The following EXOC4 variants were observed in gnomAD, a reference collection of about 807,000 sequenced individuals.
The protein encoded by EXOC4 is exocyst complex component 4.
In EXOC4, 71 loss-of-function variants were observed where a neutral mutation model predicts 107.2. The ratio of observed to expected loss-of-function variants is 0.66; its 90% CI spans 0.55 to 0.81. EXOC4 has a LOEUF of 0.81. EXOC4 is among the 30% of genes least tolerant of loss of function. EXOC4 has a pLI of 0.00. For synonymous variants in EXOC4, 456 were observed against 441.2 expected (o/e 1.03, Z -0.42); for missense variants, 1,108 against 1,189.6 (o/e 0.93, Z 1.01).
intron 5 of EXOC4, among the ~76,000 whole-genome samples, chr7:133,344,642 C>T (rs1017601563): frequency 1.3e-5 from 2 of 152,024 alleles, no homozygotes; most frequent in East Asian, 1.9e-4. Context: ...TTTTTATTTC[C>T]CAGAAGCTAC....
At chr7:133,280,806 AT>A (rs971095366) in intron 2 of EXOC4, among the ~76,000 whole-genome samples, 4 of 152,350 alleles carry the variant, frequency 2.6e-5, no homozygotes, top group East Asian at 3.9e-4. Flanking sequence ...ATATAAAAAA[AT>A]GTCCTAGTAG....
chr7:133,488,143 A>T (rs529869566), intron 9 of EXOC4, among the ~76,000 whole-genome samples: 2 of 152,222 alleles, frequency 1.3e-5, no homozygotes, highest in Non-Finnish European at 2.9e-5. Flanking sequence ...GAATACTAAT[A>T]GTATCAATAG....
intron 15 of EXOC4, among the ~76,000 whole-genome samples, chr7:133,999,310 C>A (rs1354668004): frequency 6.6e-6 from 1 of 152,108 alleles, no homozygotes; most frequent in East Asian, 1.9e-4. Context: ...ACTTGGATTT[C>A]TTTCCAGGGT....
chr7:133,485,115 A>C (rs1192094416), intron 9 of EXOC4, among the ~76,000 whole-genome samples: 1 of 150,872 alleles, frequency 6.6e-6, no homozygotes, highest in African/African-American at 2.4e-5. Context: ...ATAAATAAAT[A>C]AATAATTAAA....
intron 11 of EXOC4, among the ~76,000 whole-genome samples, chr7:133,823,851 AT>A (rs1797595373): frequency 6.7e-5 from 1 of 14,884 alleles, no homozygotes; most frequent in African/African-American, 1.2e-3. Context: ...TATTATATAT[AT>A]ATATATATAT....
At chr7:133,694,168 G>A (rs752990656) in intron 10 of EXOC4, among the ~76,000 whole-genome samples, 10 of 151,652 alleles carry the variant, frequency 6.6e-5, no homozygotes, top group Non-Finnish European at 1.5e-4. Context: ...GGCTGAGGCA[G>A]GAGAATTGCT....
chr7:133,369,342 C>G (rs932704750), intron 6 of EXOC4, among the ~76,000 whole-genome samples: 4 of 151,982 alleles, frequency 2.6e-5, no homozygotes, highest in Non-Finnish European at 1.5e-5. Context: ...ATATGATTGA[C>G]TTTGGTTTCT....
At chr7:133,334,453 T>G (rs1339427598) in intron 5 of EXOC4, among the ~76,000 whole-genome samples, 1 of 152,238 alleles carries the variant, frequency 6.6e-6, no homozygotes, top group Non-Finnish European at 1.5e-5. Flanking sequence ...GAAATCATTC[T>G]GTATTAGTTC....
At chr7:133,717,184 C>T (rs1795015166) in intron 10 of EXOC4, among the ~76,000 whole-genome samples, 1 of 152,158 alleles carries the variant, frequency 6.6e-6, no homozygotes, top group Non-Finnish European at 1.5e-5. Flanking sequence ...AAGGTGGCTA[C>T]TGCCAAAGAA....
chr7:133,547,972 C>T (rs532928151), intron 9 of EXOC4, among the ~76,000 whole-genome samples: 1 of 152,042 alleles, frequency 6.6e-6, no homozygotes, highest in Non-Finnish European at 1.5e-5. Flanking sequence ...ATTTACTTTG[C>T]CCGGATCCAT....
chr7:133,596,807 C>G (rs115744274), intron 9 of EXOC4, among the ~76,000 whole-genome samples: 1,932 of 152,300 alleles, frequency 0.013, 32 homozygotes, highest in African/African-American at 0.044. Context: ...CTCTTTCTCA[C>G]TCTCCTTTAT....
At chr7:133,449,017 A>G (rs992871512) in intron 7 of EXOC4, among the ~76,000 whole-genome samples, 1 of 152,218 alleles carries the variant, frequency 6.6e-6, no homozygotes, top group African/African-American at 2.4e-5. Flanking sequence ...CTGAGGCATT[A>G]GAATCGCTTG....
At chr7:133,464,364 T>C (rs1022326244) in intron 7 of EXOC4, among the ~76,000 whole-genome samples, 8 of 152,160 alleles carry the variant, frequency 5.3e-5, no homozygotes, top group African/African-American at 1.9e-4. Flanking sequence ...AGTAGTAGAG[T>C]TGATTTCAAG....
At chr7:133,605,323 AATT>A (rs1278786461) in intron 9 of EXOC4, among the ~76,000 whole-genome samples, 1 of 152,156 alleles carries the variant, frequency 6.6e-6, no homozygotes, top group African/African-American at 2.4e-5. Context: ...TATTTTATAG[AATT>A]GTACAATTAT....
chr7:133,821,565 TA>T lies in EXOC4; in HGVS notation c.1734+4023del, dbSNP rs549863992. On this transcript the variant is annotated intron_variant, in intron 11 of 17. Transcript: ENST00000253861. ...ATGTTTTGTATATCTTTGTGGGTTT[TA>T]ACATTTCTTTTTTCTAGCAATTCAT... Among the ~76,000 whole-genome samples the T allele has an allele frequency of 4.1e-4, 62 of 152,344 alleles. No individual in the cohort carries two copies. The South Asian group carries it at 0.011, about 28-fold the overall frequency.
intron 6 of EXOC4, among the ~76,000 whole-genome samples, chr7:133,366,341 A>G (rs979568666): frequency 6.6e-6 from 1 of 152,138 alleles, no homozygotes; most frequent in Non-Finnish European, 1.5e-5. Flanking sequence ...AAGTTAATAG[A>G]TGATCTGGGA....
chr7:133,273,728 A>G (rs1301757089), intron 1 of EXOC4, among the ~76,000 whole-genome samples: 1 of 152,216 alleles, frequency 6.6e-6, no homozygotes, highest in Admixed American at 6.5e-5. Flanking sequence ...TTCAGAGCAG[A>G]CTATTGTACA....
chr7:133,770,330 A>T (rs1796220564), intron 10 of EXOC4, among the ~76,000 whole-genome samples: 1 of 151,920 alleles, frequency 6.6e-6, no homozygotes, highest in East Asian at 1.9e-4. Flanking sequence ...TCCTGGATTC[A>T]TACCCAGGCC....
chr7:133,416,783 G>C (rs748944303), intron 7 of EXOC4, among the ~76,000 whole-genome samples: 3 of 152,172 alleles, frequency 2.0e-5, no homozygotes, highest in Non-Finnish European at 2.9e-5. Context: ...AAGAAGGATG[G>C]ATGAATGACT....
Sources: allele counts gnomAD v4.1 joint callset (sites outside exome capture counted in the v4.1 genomes callset), GRCh38; gene constraint gnomAD v4.1.1; transcripts MANE v1.5; gene names NCBI Gene and HGNC (gene_info 2026-07-23, HGNC 2026-07-21).